Variants in USP32 observed in about 807,000 individuals in gnomAD.
USP32 encodes the protein ubiquitin specific peptidase 32.
In USP32, 59 loss-of-function variants were observed where a neutral mutation model predicts 204.8. The ratio of observed to expected loss-of-function variants is 0.29; its 90% confidence interval spans 0.23 to 0.36. The LOEUF is 0.36. Among genes scored for constraint, USP32 ranks in the 10% least tolerant of loss-of-function variants. The pLI is 1.00. For synonymous variants in USP32, 517 were observed against 678.4 expected (o/e 0.76, Z 3.70); for missense variants, 1,160 against 1,946.4 (o/e 0.60, Z 7.60).
rs371772297 is a variant in USP32 at position 60,349,625 on chromosome 17, T to A, written c.59-4017A>T. Among the ~76,000 whole-genome samples the A allele has an allele frequency of 2.6e-3, 135 of 52,646 alleles. 1 individual carries two copies. The highest frequency in any genetic ancestry group is 7.6e-3 in the East Asian group (16 of 2,116). The allele number at this position is 52,646 out of a possible 152,430, so 34.5% of individuals were successfully genotyped here. On this transcript the variant is annotated intron_variant, in intron 1 of 33. Transcript: ENST00000300896. ...TATATATATATATATATATATATAT[T>A]ATATATATATATATATATTATATAT... is the stretch of plus-strand genomic sequence containing the variant.
At chr17:60,389,396 A>G (rs2089788819) in intron 1 of USP32, among the ~76,000 whole-genome samples, 1 of 152,026 alleles carries the variant, frequency 6.6e-6, no homozygotes, top group Non-Finnish European at 1.5e-5. Flanking sequence ...ACAAAAAATA[A>G]GCCAGGAGTG....
intron 1 of USP32, among the ~76,000 whole-genome samples, chr17:60,409,669 A>G (rs375815162): frequency 6.6e-6 from 1 of 152,220 alleles, no homozygotes. Context: ...TCTAACCTCA[A>G]AGCCACCCTT....
At position 60,185,495 on chromosome 17, in the gene USP32, T is replaced by C; in HGVS notation, c.3799A>G (p.Lys1267Glu). The stretch of plus-strand genomic sequence containing the variant: ...GGAAGCCTCCAGAGATCCAGCTTCT[T>C]TGTTGCTAAGCAGTGGGTCTTACAC... ...SKCKTHCLAT[K>E]KLDLWRLPPI... The change falls in exon 30 of 34, where the codon AAG becomes GAG. Residue 1267 changes from lysine to glutamate, a missense_variant. Physicochemically the swap from Lys to Glu is moderately conservative, Grantham distance 56. Transcript: ENST00000300896. 1 of 1,611,064 alleles carries C rather than the reference T, an allele frequency of 6.2e-7. No homozygotes were observed. Among genetic ancestry groups the C allele is most frequent in the Non-Finnish European group, 8.5e-7 (1 of 1,179,050 alleles).
chr17:60,309,921 GT>G (rs2087814069), intron 2 of USP32, among the ~76,000 whole-genome samples: 1 of 152,126 alleles, frequency 6.6e-6, no homozygotes, highest in Non-Finnish European at 1.5e-5. Context: ...GCATGTGCCT[GT>G]AATCCAAGCT....
chr17:60,220,417 T>G (rs1398210867), intron 15 of USP32, among the ~76,000 whole-genome samples: 1 of 152,242 alleles, frequency 6.6e-6, no homozygotes, highest in Non-Finnish European at 1.5e-5. Context: ...TACTACGTTC[T>G]ACTTGCGTAA....
intron 24 of USP32, chr17:60,207,817 T>C (rs1295843837): frequency 4.3e-6 from 2 of 467,754 alleles, no homozygotes; most frequent in South Asian, 3.6e-5. Flanking sequence ...ACACTCCATA[T>C]AGGCAGCCTT....
intron 24 of USP32, among the ~76,000 whole-genome samples, chr17:60,207,447 G>A (rs1368919335): frequency 6.6e-6 from 1 of 152,008 alleles, no homozygotes; most frequent in South Asian, 2.1e-4. Context: ...TTAAGAAACT[G>A]TCAGTGAGGT....
At chr17:60,379,661 G>GT (rs2089612885) in intron 1 of USP32, among the ~76,000 whole-genome samples, 2 of 152,206 alleles carry the variant, frequency 1.3e-5, no homozygotes. Context: ...TCTGAGACCT[G>GT]TAATTATAAA....
intron 1 of USP32, among the ~76,000 whole-genome samples, chr17:60,365,869 A>G (rs2089300879): frequency 6.6e-6 from 1 of 152,206 alleles, no homozygotes; most frequent in African/African-American, 2.4e-5. Flanking sequence ...AAACTTCTGC[A>G]AAGTGTCAAC....
chr17:60,367,767 C>CA (rs1256289221), intron 1 of USP32, among the ~76,000 whole-genome samples: 2 of 152,262 alleles, frequency 1.3e-5, no homozygotes, highest in African/African-American at 4.8e-5. Context: ...GACATGGCCC[C>CA]ACTGTACTCC....
At chr17:60,227,037 CAAAAAAA>C (rs58720440) in intron 12 of USP32, among the ~76,000 whole-genome samples, 2 of 61,306 alleles carry the variant, frequency 3.3e-5, no homozygotes, top group African/African-American at 5.5e-5. Flanking sequence ...GACTCTGTCT[CAAAAAAA>C]AAAAAAAAAA....
intron 26 of USP32, among the ~76,000 whole-genome samples, chr17:60,200,646 C>T (rs535311107): frequency 2.6e-5 from 4 of 152,074 alleles, no homozygotes; most frequent in South Asian, 4.2e-4. Flanking sequence ...CAGAATATAG[C>T]GAACACTCAA....
At chr17:60,180,059 T>G (rs1290253991) in intron 33 of USP32, among the ~76,000 whole-genome samples, 1 of 151,178 alleles carries the variant, frequency 6.6e-6, no homozygotes, top group Non-Finnish European at 1.5e-5. Flanking sequence ...AGAGTCTTGC[T>G]CTGTTGCCCA....
intron 13 of USP32, among the ~76,000 whole-genome samples, chr17:60,224,902 G>A (rs1425824549): frequency 6.6e-6 from 1 of 152,176 alleles, no homozygotes; most frequent in Non-Finnish European, 1.5e-5. Flanking sequence ...TTCCTTGTAG[G>A]TGTGGAAACA....
At chr17:60,216,074 AT>A (rs57471457) in intron 16 of USP32, among the ~76,000 whole-genome samples, 135 of 152,270 alleles carry the variant, frequency 8.9e-4, no homozygotes, top group African/African-American at 2.8e-3. Flanking sequence ...CAAGTGCCCA[AT>A]AAGGAAAAAA....
chr17:60,273,299 T>TA (rs2086765882), intron 5 of USP32, among the ~76,000 whole-genome samples: 1 of 152,104 alleles, frequency 6.6e-6, no homozygotes, highest in South Asian at 2.1e-4. Flanking sequence ...AACTGTAAGC[T>TA]AAAAAAGTCC....
chr17:60,255,289 C>CTT (rs780961959), intron 9 of USP32, 31 bp from the exon 10 acceptor site: 3 of 1,158,528 alleles, frequency 2.6e-6, no homozygotes, highest in Admixed American at 2.3e-5. Context: ...TTAGGAACAT[C>CTT]TTTTTTTTCT....
At position 60,361,942 on chromosome 17, in the gene USP32, G is replaced by A. The variant is rs116384169; in HGVS notation, c.59-16334C>T. On this transcript the variant is annotated intron_variant, in intron 1 of 33. Transcript: ENST00000300896. ...AGTGTTAACAGTATTACTATATGTG[G>A]GTATGTGCCTGGAAACTAAAAGTGG... Among the ~76,000 whole-genome samples, 1,104 of 152,136 alleles carry A rather than the reference G, an allele frequency of 7.3e-3. 16 individuals are homozygous for A. The highest frequency in any genetic ancestry group is 0.026 in the African/African-American group (1,060 of 41,502).
intron 1 of USP32, among the ~76,000 whole-genome samples, chr17:60,366,874 G>A (rs1203387343): frequency 6.6e-6 from 1 of 152,012 alleles, no homozygotes. Flanking sequence ...CCAGGCTGGA[G>A]TGCCAGGGTG....
Sources: allele counts gnomAD v4.1 joint callset (sites outside exome capture counted in the v4.1 genomes callset), GRCh38; gene constraint gnomAD v4.1.1; transcripts MANE v1.5; gene names NCBI Gene and HGNC (gene_info 2026-07-23, HGNC 2026-07-21).